The following PALLD variants were observed in gnomAD, a reference collection of about 807,000 sequenced individuals.
PALLD encodes palladin, cytoskeletal associated protein.
Under a neutral mutation model 123.5 loss-of-function variants are expected in PALLD, and 61 were observed. The observed-to-expected ratio is 0.49, with a 90% CI of 0.40 to 0.61. The LOEUF is 0.61. Ranked by LOEUF, PALLD falls within the 20% of genes least tolerant of loss-of-function variation. The probability of loss-of-function intolerance (pLI) is 0.00; values close to 1 mark genes in which losing one functional copy is unlikely to be tolerated. For synonymous variants in PALLD, 465 were observed against 496.4 expected, an observed-to-expected ratio of 0.94 and a Z score of 0.84; for missense variants, 1,273 against 1,377.0, an observed-to-expected ratio of 0.92 and a Z score of 1.20.
intron 2 of PALLD, among the ~76,000 whole-genome samples, chr4:168,539,413 C>T (rs1297492128): frequency 6.6e-6 from 1 of 152,010 alleles, no homozygotes; most frequent in African/African-American, 2.4e-5. Flanking sequence ...CATGGAGAAA[C>T]CCCATTTCTA....
At chr4:168,624,922 T>C (rs1287919826) in intron 2 of PALLD, among the ~76,000 whole-genome samples, 1 of 152,092 alleles carries the variant, frequency 6.6e-6, no homozygotes, top group Non-Finnish European at 1.5e-5. Context: ...TTTGAACAGA[T>C]AGAAAGATCT....
chr4:168,918,325 G>GAGATAT (rs1553981956), intron 17 of PALLD, among the ~76,000 whole-genome samples: 148 of 149,558 alleles, frequency 9.9e-4, no homozygotes, highest in African/African-American at 2.7e-3. Context: ...GAAAATATGA[G>GAGATAT]ATATATATAT....
intron 2 of PALLD, among the ~76,000 whole-genome samples, chr4:168,571,851 G>T (rs1044969637): frequency 1.3e-5 from 2 of 152,088 alleles, no homozygotes; most frequent in Non-Finnish European, 2.9e-5. Flanking sequence ...CTATTGCCTC[G>T]AGACTACTGT....
chr4:168,713,174 T>A (rs543236490), intron 10 of PALLD, among the ~76,000 whole-genome samples: 1 of 152,344 alleles, frequency 6.6e-6, no homozygotes, highest in African/African-American at 2.4e-5. Context: ...ACAGTAGGGC[T>A]ACTCACTAAG....
chr4:168,569,695 C>A (rs534446059), intron 2 of PALLD, among the ~76,000 whole-genome samples: 1 of 152,130 alleles, frequency 6.6e-6, no homozygotes, highest in Non-Finnish European at 1.5e-5. Context: ...AATCAGGATT[C>A]TTGTCTGAGA....
At chr4:168,510,095 C>T (rs1205408492) in intron 1 of PALLD, among the ~76,000 whole-genome samples, 1 of 152,158 alleles carries the variant, frequency 6.6e-6, no homozygotes, top group Admixed American at 6.5e-5. Flanking sequence ...AGGAAGCTTC[C>T]ATTATTCACT....
chr4:168,518,270 T>C (rs1425832678), intron 2 of PALLD, among the ~76,000 whole-genome samples: 1 of 152,192 alleles, frequency 6.6e-6, no homozygotes, highest in Non-Finnish European at 1.5e-5. Flanking sequence ...CCATCATCTG[T>C]CTCTTTGTTA....
rs1390248727 is a variant in PALLD at position 168,925,243 on chromosome 4, T to G, written c.3369T>G (p.His1123Gln). The G allele has an allele frequency of 6.2e-7, 1 of 1,609,598 alleles. No individual in the cohort carries two copies. Among genetic ancestry groups the G allele is most frequent in the East Asian group, 2.2e-5 (1 of 44,822 alleles). Residue 1123 changes from histidine (H) to glutamine (Q), a missense_variant, in exon 21 of 22, where the codon CAT becomes CAG. Coordinates refer to ENST00000505667, the MANE Select transcript of PALLD (RefSeq NM_001166108.2). ...TCTTTCTATTTGTAGTTTCTCGACA[T>G]TAATAGTGAACCACACCAGGAGAAC... ...TARLDVYISRH is the reference protein window; with the variant it reads ...TARLDVYISRQ
In PALLD at chr4:168,906,301, G is replaced by A. The variant is rs972273253; in HGVS notation, c.2622+2395G>A. 1.6e-4 allele frequency among the ~76,000 whole-genome samples: 24 copies of A among 152,138 alleles called. 1 individual carries two copies. The highest frequency in any genetic ancestry group is 5.9e-4 in the Admixed American group (9 of 15,274). On this transcript the variant is annotated intron_variant, in intron 15 of 21. Transcript: ENST00000505667. ...TTTTATAGAACAAAAGAACATAAAC[G>A]TAAAACTGCAATTGTGAGTCCGCTT...
chr4:168,853,720 C>T (rs889104127), intron 10 of PALLD, among the ~76,000 whole-genome samples: 1 of 151,918 alleles, frequency 6.6e-6, no homozygotes, highest in Non-Finnish European at 1.5e-5. Flanking sequence ...GCCTGGTGGG[C>T]CAGGTGAAGG....
chr4:168,696,019 C>T (rs1300420314), intron 8 of PALLD, among the ~76,000 whole-genome samples: 3 of 150,296 alleles, frequency 2.0e-5, no homozygotes, highest in African/African-American at 5.0e-5. Context: ...TACACTAACA[C>T]TAATCATAGC....
chr4:168,912,565 A>G (rs1181609591), intron 15 of PALLD, among the ~76,000 whole-genome samples: 1 of 152,228 alleles, frequency 6.6e-6, no homozygotes. Context: ...CACATATGAC[A>G]GCGTTTATCA....
chr4:168,578,694 T>C (rs1191989064), intron 2 of PALLD, among the ~76,000 whole-genome samples: 1 of 151,408 alleles, frequency 6.6e-6, no homozygotes, highest in African/African-American at 2.4e-5. Context: ...CACAGAGGAG[T>C]TAGATAATAG....
intron 10 of PALLD, among the ~76,000 whole-genome samples, chr4:168,880,938 T>C (rs1752525682): frequency 1.3e-5 from 2 of 152,204 alleles, no homozygotes; most frequent in African/African-American, 2.4e-5. Flanking sequence ...GAGACAGTCT[T>C]GTTCTGTTGT....
intron 2 of PALLD, among the ~76,000 whole-genome samples, chr4:168,609,492 C>T (rs1451268774): frequency 6.6e-6 from 1 of 152,198 alleles, no homozygotes; most frequent in Non-Finnish European, 1.5e-5. Context: ...CAGTCCCTGA[C>T]CCCACATTGG....
chr4:168,673,209 G>T (rs1017105825), intron 3 of PALLD, among the ~76,000 whole-genome samples: 1 of 152,200 alleles, frequency 6.6e-6, no homozygotes, highest in Non-Finnish European at 1.5e-5. Flanking sequence ...CCAGAAGGGG[G>T]GCAGAGTAAC....
rs1035523304 is a variant in PALLD at position 168,857,868 on chromosome 4, C to T, written c.1965-33054C>T. Among the ~76,000 whole-genome samples the T allele has an allele frequency of 3.3e-5, 5 of 152,300 alleles. No individual in the cohort carries two copies. In the Middle Eastern group the frequency reaches 0.014, roughly 414 times the overall value. Reference sequence around the variant, plus strand: ...GTTTACCATAACACAGGCATATATCCAAAAATATATAGAAAGCAAAAATTT... The same window carrying T: ...GTTTACCATAACACAGGCATATATCTAAAAATATATAGAAAGCAAAAATTT... On this transcript the variant is annotated intron_variant, in intron 10 of 21. Coordinates refer to ENST00000505667, the MANE Select transcript of PALLD (RefSeq NM_001166108.2).
intron 10 of PALLD, among the ~76,000 whole-genome samples, chr4:168,808,020 T>C (rs1341299677): frequency 6.6e-6 from 1 of 151,952 alleles, no homozygotes; most frequent in Non-Finnish European, 1.5e-5. Context: ...GATTTTGTTT[T>C]AAGAGAAGAT....
chr4:168,895,256 C>G (rs886757432), intron 12 of PALLD, among the ~76,000 whole-genome samples: 7 of 152,178 alleles, frequency 4.6e-5, no homozygotes, highest in Non-Finnish European at 8.8e-5. Context: ...GTGACGCACA[C>G]CTGTAGTCCC....
Sources: gnomAD v4.1 joint callset for allele counts (sites outside exome capture counted in the v4.1 genomes callset) on GRCh38, gnomAD v4.1.1 for gene constraint, MANE v1.5 for transcripts, NCBI Gene and HGNC (gene_info 2026-07-23, HGNC 2026-07-21) for gene names.